The following RCN3 variants were observed in gnomAD, a reference collection of about 807,000 sequenced individuals.
RCN3 encodes reticulocalbin-3.
In RCN3, 41 loss-of-function variants were observed where a neutral mutation model predicts 35.9. That is an observed-to-expected ratio of 1.14 (90% CI 0.89 to 1.48). RCN3 has a LOEUF of 1.48. Among genes scored for constraint, RCN3 ranks in the 40% most tolerant of loss-of-function variants. The pLI, the probability that RCN3 is intolerant of heterozygous loss-of-function variation, is 0.00. For missense variants in RCN3, 451 were observed against 471.3 expected, an observed-to-expected ratio of 0.96 and a Z score of 0.40; for synonymous variants, 187 against 193.4, an observed-to-expected ratio of 0.97 and a Z score of 0.27.
intron 3 of RCN3, among the ~76,000 whole-genome samples, chr19:49,536,716 C>T (rs974711667): frequency 2.0e-5 from 3 of 151,148 alleles, no homozygotes; most frequent in African/African-American, 7.3e-5. Context: ...TCAATCGACT[C>T]TTGTGCCTCA....
chr19:49,533,921 C>T (rs2080121246), intron 2 of RCN3, among the ~76,000 whole-genome samples: 1 of 151,812 alleles, frequency 6.6e-6, no homozygotes, highest in African/African-American at 2.4e-5. Context: ...GGCCCTGCAT[C>T]GTAGTAGGTC....
chr19:49,542,800 G>C (rs374695795), intron 6 of RCN3, 48 bp downstream of exon 6: 3 of 1,506,958 alleles, frequency 2.0e-6, no homozygotes, highest in Middle Eastern at 1.7e-4. Context: ...TGGGCATTGC[G>C]GGCCAGACTC....
At chr19:49,534,035 G>T (rs2080121810) in intron 2 of RCN3, among the ~76,000 whole-genome samples, 158 bp from the exon 3 acceptor site, 1 of 152,112 alleles carries the variant, frequency 6.6e-6, no homozygotes, top group Non-Finnish European at 1.5e-5. Context: ...CGGTGGGCTT[G>T]GTCCCGAAAT....
At chr19:49,531,302 G>C (rs1440135533) in intron 2 of RCN3, among the ~76,000 whole-genome samples, 1 of 152,198 alleles carries the variant, frequency 6.6e-6, no homozygotes, top group Non-Finnish European at 1.5e-5. Flanking sequence ...CTAAGCAACA[G>C]AGCAAGACTT....
Position 49,536,954 on chromosome 19 carries a change from G to T in RCN3, c.446-79G>T, listed in dbSNP as rs114671291. Reference sequence around the variant, plus strand: ...CACAGAAATCTTTGTACCCCAGTAGGATTTACTTTGTCTTTGTTTTAACCT... The same window carrying T: ...CACAGAAATCTTTGTACCCCAGTAGTATTTACTTTGTCTTTGTTTTAACCT... On this transcript the variant is annotated intron_variant, in intron 3 of 6. Coordinates refer to ENST00000270645, the MANE Select transcript of RCN3 (RefSeq NM_020650.3). 5.2e-3 allele frequency: 6,857 copies of T among 1,321,618 alleles called. 307 individuals carry two copies. The African/African-American group carries it at 0.09, about 17-fold the overall frequency. 81.9% of individuals were successfully genotyped at this position (1,321,618 alleles called of 1,614,324 possible).
intron 5 of RCN3, among the ~76,000 whole-genome samples, chr19:49,540,818 A>G (rs2080159508): frequency 6.6e-6 from 1 of 151,756 alleles, no homozygotes; most frequent in African/African-American, 2.4e-5. Flanking sequence ...TGAGGATGCT[A>G]CTGACGTCTC....
At chr19:49,540,423 G>A (rs1035575347) in intron 5 of RCN3, among the ~76,000 whole-genome samples, 2 of 152,028 alleles carry the variant, frequency 1.3e-5, no homozygotes, top group Middle Eastern at 3.2e-3. Context: ...CATGAAGTCA[G>A]GAGTTCGAGA....
At chr19:49,537,359 GGACGGT>G (rs1343903670) in intron 4 of RCN3, among the ~76,000 whole-genome samples, 154 bp downstream of exon 4, 11 of 152,238 alleles carry the variant, frequency 7.2e-5, no homozygotes, top group African/African-American at 2.6e-4. Context: ...ACAGGTCAGA[GGACGGT>G]GACCTTTCCC....
intron 5 of RCN3, among the ~76,000 whole-genome samples, chr19:49,539,815 C>T (rs901283027): frequency 2.6e-5 from 4 of 151,320 alleles, no homozygotes; most frequent in South Asian, 2.1e-4. Flanking sequence ...CTCCGCCTCC[C>T]GGGCTCAAGA....
rs552183386 is a variant in RCN3, at chr19:49,539,044, C to A, written c.619-75C>A. On this transcript the variant is annotated intron_variant, in intron 4 of 6. Coordinates refer to ENST00000270645, the MANE Select transcript of RCN3 (RefSeq NM_020650.3). ...TAAATTTCCAAGAGAACCTCTCACT[C>A]TTACCCCAGGGGTCCAGCCTCCCCC... The A allele has an allele frequency of 3.3e-4, 369 of 1,108,062 alleles. 4 individuals are homozygous for A. The South Asian group carries it at 5.5e-3, about 16-fold the overall frequency. The allele number at this position is 1,108,062 out of a possible 1,614,324, so 68.6% of individuals were successfully genotyped here.
rs898212689 is a variant in RCN3, at chr19:49,543,595, C to T, written c.*382C>T. The T allele has an allele frequency of 2.7e-5, 6 of 223,874 alleles. No individual in the cohort carries two copies. The highest frequency in any genetic ancestry group is 4.5e-5 in the Non-Finnish European group (5 of 110,508). 13.9% of individuals were successfully genotyped at this position (223,874 alleles called of 1,614,324 possible). ...TCCTGCCTGGCCTGGCCTGGGACAC[C>T]TCCTCTCTGCCAGGAGGCAATAAAA... On this transcript the variant is annotated 3_prime_UTR_variant, in exon 7 of 7. Coordinates refer to ENST00000270645, the MANE Select transcript of RCN3 (RefSeq NM_020650.3).
In RCN3 at chr19:49,534,214, C is replaced by T. The variant is rs1316138121; in HGVS notation, c.264C>T (p.Asp88=). 1.3e-6 allele frequency: 2 copies of T among 1,490,720 alleles called. No individual in the cohort carries two copies. Among genetic ancestry groups the T allele is most frequent in the Non-Finnish European group, 1.8e-6 (2 of 1,125,334 alleles). 92.3% of individuals were successfully genotyped at this position (1,490,720 alleles called of 1,614,324 possible). The change falls in exon 3 of 7, where the codon GAC becomes GAT. Residue 88 remains aspartate, a synonymous_variant. Transcript: ENST00000270645. The stretch of plus-strand genomic sequence containing the variant: ...CTAGGCGGATCGTGGACCGCATGGA[C>T]CGCGCGGGGGACGGCGACGGCTGGG... The part of the protein sequence containing the change: ...ARLGRIVDRM[D]RAGDGDGWVS...
intron 2 of RCN3, among the ~76,000 whole-genome samples, chr19:49,530,782 C>A (rs73582454): frequency 1.8e-4 from 28 of 152,222 alleles, no homozygotes; most frequent in Admixed American, 5.2e-4. Flanking sequence ...AGGCATGAGC[C>A]ACCGCACCCG....
chr19:49,542,273 GCC>G, intron 5 of RCN3, among the ~76,000 whole-genome samples: 2 of 152,304 alleles, frequency 1.3e-5, no homozygotes, highest in Middle Eastern at 6.8e-3. Flanking sequence ...GCCAGGCACT[GCC>G]TTGCCCATTG....
At chr19:49,529,725 G>C (rs1357077314) in intron 2 of RCN3, among the ~76,000 whole-genome samples, 1 of 151,674 alleles carries the variant, frequency 6.6e-6, no homozygotes, top group Non-Finnish European at 1.5e-5. Flanking sequence ...GTTGTTGGTG[G>C]GGGGGAGTTG....
chr19:49,541,909 G>A (rs539108984), intron 5 of RCN3, among the ~76,000 whole-genome samples: 1 of 152,146 alleles, frequency 6.6e-6, no homozygotes, highest in African/African-American at 2.4e-5. Flanking sequence ...GAACCTGGGA[G>A]GCAGAGGTTG....
At chr19:49,540,545 G>A (rs1014463950) in intron 5 of RCN3, among the ~76,000 whole-genome samples, 3 of 151,930 alleles carry the variant, frequency 2.0e-5, no homozygotes, top group East Asian at 3.9e-4. Context: ...TCTGGAACCC[G>A]GGAGGCAAAG....
Position 49,533,300 on chromosome 19 carries a change from G to A in RCN3, c.243-893G>A, listed in dbSNP as rs1021561733. ...GGTGACTCAGGCAGGCCTGGAGAGG[G>A]CTCTGCTGTCTCGGATTTTCGACTT... is the stretch of plus-strand genomic sequence containing the variant. On this transcript the variant is annotated intron_variant, in intron 2 of 6. Transcript: ENST00000270645. 6.6e-5 allele frequency among the ~76,000 whole-genome samples: 10 copies of A among 152,192 alleles called. No individual in the cohort carries two copies. The East Asian group carries it at 1.9e-3, about 29-fold the overall frequency.
At chr19:49,537,413 C>T (rs769587722) in intron 4 of RCN3, among the ~76,000 whole-genome samples, 2 of 152,194 alleles carry the variant, frequency 1.3e-5, no homozygotes, top group Non-Finnish European at 2.9e-5. Flanking sequence ...GATCTCTCCT[C>T]GTCTGGCCTT....
Sources: allele counts gnomAD v4.1 joint callset (sites outside exome capture counted in the v4.1 genomes callset), GRCh38; gene constraint gnomAD v4.1.1; transcripts MANE v1.5; gene names NCBI Gene and HGNC (gene_info 2026-07-23, HGNC 2026-07-21).